DAPK2: variants seen among roughly 807,000 people sequenced by gnomAD.
The protein encoded by DAPK2 is death-associated protein kinase 2.
A neutral mutation model predicts 44.1 loss-of-function variants in DAPK2; 35 were observed. The observed-to-expected ratio is 0.79, with a 90% confidence interval of 0.61 to 1.05. DAPK2 has a LOEUF of 1.05. Among genes scored for constraint, DAPK2 ranks in the 50% least tolerant of loss-of-function variants. The pLI, the probability that DAPK2 is intolerant of heterozygous loss-of-function variation, is 0.00. For synonymous variants in DAPK2, 174 were observed against 182.6 expected, an observed-to-expected ratio of 0.95 and a Z score of 0.38; for missense variants, 453 against 483.2, an observed-to-expected ratio of 0.94 and a Z score of 0.59.
At chr15:64,012,466 A>T (rs1481791523) in intron 1 of DAPK2, among the ~76,000 whole-genome samples, 1 of 152,268 alleles carries the variant, frequency 6.6e-6, no homozygotes, top group Non-Finnish European at 1.5e-5. Context: ...TAAATGAGGT[A>T]TGCAGATGTA....
rs1055612047 is a variant in DAPK2 at position 63,970,586 on chromosome 15, G to A, written c.453+837C>T. On this transcript the variant is annotated intron_variant, in intron 3 of 10. Coordinates refer to ENST00000261891, the Ensembl canonical transcript of DAPK2. Reference sequence around the variant, plus strand: ...GAAAAGATGAAGTAATCTCAGACAGGGCCTCAGTGAATTTTGTATCAGCAG... The same window carrying A: ...GAAAAGATGAAGTAATCTCAGACAGAGCCTCAGTGAATTTTGTATCAGCAG... Among the ~76,000 whole-genome samples the A allele has an allele frequency of 2.6e-5, 4 of 152,026 alleles. No homozygotes were observed. In the East Asian group the frequency reaches 5.8e-4, roughly 22 times the overall value.
At chr15:64,015,322 G>A (rs2079495484) in intron 1 of DAPK2, among the ~76,000 whole-genome samples, 1 of 152,182 alleles carries the variant, frequency 6.6e-6, no homozygotes, top group Non-Finnish European at 1.5e-5. Context: ...TGCTCTGTGA[G>A]CTCTTTATAT....
intron 3 of DAPK2, among the ~76,000 whole-genome samples, chr15:63,956,004 T>C (rs1281064584): frequency 6.6e-6 from 1 of 152,248 alleles, no homozygotes; most frequent in Non-Finnish European, 1.5e-5. Context: ...TTTGGATTTC[T>C]TCATGGTTCA....
At chr15:63,993,370 G>A (rs967417961) in intron 1 of DAPK2, among the ~76,000 whole-genome samples, 2 of 152,166 alleles carry the variant, frequency 1.3e-5, no homozygotes, top group South Asian at 2.1e-4. Flanking sequence ...CATTAAACAG[G>A]TGGCTCTGCA....
chr15:63,911,991 G>T (rs1340841459), exon 10 of DAPK2: 1 of 1,613,788 alleles, frequency 6.2e-7, no homozygotes, highest in Non-Finnish European at 8.5e-7. Flanking sequence ...CTGAAGGAAA[G>T]CTGAGGGAGG....
chr15:63,930,983 G>A (rs2079533331), intron 4 of DAPK2, among the ~76,000 whole-genome samples: 1 of 152,104 alleles, frequency 6.6e-6, no homozygotes, highest in African/African-American at 2.4e-5. Context: ...AGGATTGCTT[G>A]AGCCTGGGAA....
At chr15:64,041,662 C>T (rs1034916878), upstream of DAPK2, among the ~76,000 whole-genome samples, 1 of 152,232 alleles carries the variant, frequency 6.6e-6, no homozygotes, top group Non-Finnish European at 1.5e-5. Flanking sequence ...CACACATGGG[C>T]TCCACGAACC....
Position 63,942,941 on chromosome 15 carries a change from G to A in DAPK2, c.454-3580C>T, listed in dbSNP as rs191308265. 4.2e-4 allele frequency among the ~76,000 whole-genome samples: 64 copies of A among 152,160 alleles called. 1 individual carries two copies. Among genetic ancestry groups the A allele is most frequent in the African/African-American group, 1.4e-3 (59 of 41,494 alleles). On this transcript the variant is annotated intron_variant, in intron 3 of 10. Transcript: ENST00000261891. ...TTCCTGTCATCTCCCCAGAGGTTGG[G>A]ATAGAGCCTGATATCCAGCAGCTGC...
rs2078703003 is a variant in DAPK2 at position 63,908,496 on chromosome 15, G to A, written c.*24C>T. On this transcript the variant is annotated 3_prime_UTR_variant, in exon 11 of 11. Coordinates refer to ENST00000261891, the Ensembl canonical transcript of DAPK2. The surrounding 1 kb of genome is among the most constrained non-coding windows in gnomAD (Gnocchi z 5.7). The stretch of plus-strand genomic sequence containing the variant: ...AGCCCCGCTGGGCCCAGACCTCCCT[G>A]GCGGCCACTGCAGGTCAGGCCAGTT... 6.5e-7 allele frequency: 1 copy of A among 1,530,336 alleles called. No homozygotes were observed. 94.8% of individuals were successfully genotyped at this position (1,530,336 alleles called of 1,614,324 possible).
chr15:63,930,814 T>C (rs2079525979), intron 4 of DAPK2, among the ~76,000 whole-genome samples: 1 of 152,144 alleles, frequency 6.6e-6, no homozygotes, highest in African/African-American at 2.4e-5. Flanking sequence ...ATCCCAGCAC[T>C]TTGGGAGGCT....
intron 3 of DAPK2, among the ~76,000 whole-genome samples, chr15:63,969,627 G>A (rs2078153539): frequency 6.6e-6 from 1 of 151,938 alleles, no homozygotes; most frequent in South Asian, 2.1e-4. Context: ...TTTAGTCCCA[G>A]CTATTCAGGA....
chr15:63,959,599 T>C (rs2077827294), intron 3 of DAPK2, among the ~76,000 whole-genome samples: 1 of 152,232 alleles, frequency 6.6e-6, no homozygotes, highest in Admixed American at 6.5e-5. Context: ...CTTTTCTGCA[T>C]CTATTGAGAT....
chr15:64,018,915 G>A (rs958665928), intron 1 of DAPK2, among the ~76,000 whole-genome samples: 6 of 152,224 alleles, frequency 3.9e-5, no homozygotes, highest in African/African-American at 1.4e-4. Context: ...GCTGCTGACT[G>A]CCTCTGAGGA....
intron 1 of DAPK2, among the ~76,000 whole-genome samples, chr15:63,994,998 T>A (rs983574533): frequency 6.6e-6 from 1 of 152,210 alleles, no homozygotes; most frequent in Non-Finnish European, 1.5e-5. Context: ...TCTCCTCATA[T>A]AATTAAAAAT....
chr15:63,950,525 GAAAACAACTATTAGAAAGAAA>G (rs1219702741), intron 3 of DAPK2, among the ~76,000 whole-genome samples: 25 of 151,524 alleles, frequency 1.6e-4, no homozygotes, highest in Admixed American at 2.0e-4. Context: ...GCCAGAAAGA[GAAAACAACTATTAGAAAGAAA>G]AAAACAACTA....
intron 1 of DAPK2, among the ~76,000 whole-genome samples, chr15:64,009,649 C>T (rs1386629107): frequency 6.6e-6 from 1 of 152,136 alleles, no homozygotes; most frequent in Non-Finnish European, 1.5e-5. Flanking sequence ...GGAAGTCTTC[C>T]CTGACCATGC....
chr15:64,013,602 C>T lies in DAPK2; in HGVS notation c.92+26568G>A, dbSNP rs548549126. 9.8e-5 allele frequency among the ~76,000 whole-genome samples: 15 copies of T among 152,328 alleles called. 1 individual carries two copies. Among genetic ancestry groups the T allele is most frequent in the Admixed American group, 5.9e-4 (9 of 15,306 alleles). The stretch of plus-strand genomic sequence containing the variant: ...CTGAGATACCATCTAGCCTAACCCT[C>T]ACATTGCCAGAGAAGGAACTGAGCG... On this transcript the variant is annotated intron_variant, in intron 1 of 10. Transcript: ENST00000261891. This position sits in a 1 kb window ranked among gnomAD's most constrained non-coding sequence, Gnocchi z 4.7.
In DAPK2 at chr15:63,929,206, A is replaced by G. The variant is rs866217780; in HGVS notation, c.659+345T>C. On this transcript the variant is annotated intron_variant, in intron 6 of 10. Transcript: ENST00000261891. ...AGAGCAAGACTCTGTCTCAAAAAAA[A>G]AAAAAAAAGAGTTCTGAGTGAAAAG... Among the ~76,000 whole-genome samples, 429 of 152,160 alleles carry G rather than the reference A, an allele frequency of 2.8e-3. 6 individuals are homozygous for G. Among genetic ancestry groups the G allele is most frequent in the African/African-American group, 9.8e-3 (407 of 41,510 alleles).
chr15:63,949,957 A>C (rs1281005678), intron 3 of DAPK2, among the ~76,000 whole-genome samples: 1 of 152,186 alleles, frequency 6.6e-6, no homozygotes, highest in Admixed American at 6.5e-5. Flanking sequence ...TTTCCCAATA[A>C]AAAGTTTTGA....
Sources: allele counts gnomAD v4.1 joint callset (sites outside exome capture counted in the v4.1 genomes callset), GRCh38; gene constraint gnomAD v4.1.1; non-coding constraint Gnocchi (gnomAD v3.1); transcripts MANE v1.5; gene names NCBI Gene and HGNC (gene_info 2026-07-23, HGNC 2026-07-21).